Variants in PVT1 observed in about 807,000 individuals in gnomAD.
The protein encoded by PVT1 is Pvt1 oncogene.
chr8:127,977,802 A>G (rs1563655385), intron 3 of PVT1, among the ~76,000 whole-genome samples: 1 of 152,194 alleles, frequency 6.6e-6, no homozygotes, highest in Non-Finnish European at 1.5e-5. Context: ...CCTTAGTTCC[A>G]TAAGCTTGAA....
intron 3 of PVT1, among the ~76,000 whole-genome samples, chr8:127,982,679 TA>T (rs1289643427): frequency 2.1e-4 from 29 of 140,086 alleles, no homozygotes; most frequent in Middle Eastern, 3.5e-3. Context: ...AATTAATTAA[TA>T]AAATAAATGA....
intron 4 of PVT1, among the ~76,000 whole-genome samples, chr8:128,040,746 TTG>T (rs766803375): frequency 2.0e-5 from 3 of 152,024 alleles, no homozygotes; most frequent in Admixed American, 6.5e-5. Context: ...GTGTGAGTGC[TTG>T]TGTGTGTGTA....
chr8:127,927,220 A>C (rs1338578547), intron 3 of PVT1, among the ~76,000 whole-genome samples: 1 of 152,128 alleles, frequency 6.6e-6, no homozygotes, highest in Non-Finnish European at 1.5e-5. Flanking sequence ...GATCGGAAAT[A>C]ATCTGGGTCA....
At chr8:127,915,945 C>A (rs147261749) in intron 3 of PVT1, among the ~76,000 whole-genome samples, 1 of 152,270 alleles carries the variant, frequency 6.6e-6, no homozygotes, top group South Asian at 2.1e-4. Context: ...TTTCATGCAA[C>A]CTTGCCCTGT....
intron 3 of PVT1, among the ~76,000 whole-genome samples, chr8:127,943,218 A>T (rs1279629499): frequency 3.9e-5 from 6 of 152,306 alleles, no homozygotes; most frequent in Non-Finnish European, 8.8e-5. Flanking sequence ...GACACATAGT[A>T]GCCTCCCGGT....
chr8:127,907,120 C>A (rs1288664036), intron 3 of PVT1, among the ~76,000 whole-genome samples: 2 of 152,002 alleles, frequency 1.3e-5, no homozygotes, highest in African/African-American at 4.8e-5. Flanking sequence ...GCCACCGCAC[C>A]CGGCTAATTT....
intron 4 of PVT1, among the ~76,000 whole-genome samples, chr8:128,019,137 G>A (rs1817405965): frequency 6.6e-6 from 1 of 152,266 alleles, no homozygotes; most frequent in Admixed American, 6.5e-5. Flanking sequence ...TGGACCAGCT[G>A]AAGGCAGCCA....
At chr8:127,846,529 T>A (rs935843548) in intron 2 of PVT1, among the ~76,000 whole-genome samples, 5 of 152,186 alleles carry the variant, frequency 3.3e-5, no homozygotes, top group African/African-American at 4.8e-5. Flanking sequence ...CTGGATCAAC[T>A]CCCTGATGAC....
intron 2 of PVT1, among the ~76,000 whole-genome samples, chr8:127,834,221 A>T (rs1191201767): frequency 6.6e-6 from 1 of 152,206 alleles, no homozygotes; most frequent in Non-Finnish European, 1.5e-5. Flanking sequence ...ACCAAAACAG[A>T]GATATAGACC....
intron 3 of PVT1, among the ~76,000 whole-genome samples, chr8:127,934,412 C>T (rs1446395929): frequency 6.6e-6 from 1 of 152,176 alleles, no homozygotes; most frequent in African/African-American, 2.4e-5. Context: ...TGAAGCCTTC[C>T]CTCTGGGTGT....
intron 2 of PVT1, among the ~76,000 whole-genome samples, chr8:127,801,027 G>T (rs1349849219): frequency 6.6e-6 from 1 of 152,146 alleles, no homozygotes; most frequent in Non-Finnish European, 1.5e-5. Context: ...GGCGTTTCAG[G>T]CTCTGGGAAG....
chr8:127,927,355 C>A (rs1172674034), intron 3 of PVT1, among the ~76,000 whole-genome samples: 1 of 152,202 alleles, frequency 6.6e-6, no homozygotes, highest in Non-Finnish European at 1.5e-5. Context: ...GTTGTCATCA[C>A]CCATCCAGGC....
chr8:127,963,188 G>T (rs540695332), intron 3 of PVT1, among the ~76,000 whole-genome samples: 1 of 152,274 alleles, frequency 6.6e-6, no homozygotes, highest in South Asian at 2.1e-4. Context: ...CAGCCTTCCT[G>T]CCCCTGCCCA....
At chr8:127,934,122 C>G (rs976014272) in intron 3 of PVT1, among the ~76,000 whole-genome samples, 3 of 152,148 alleles carry the variant, frequency 2.0e-5, no homozygotes, top group African/African-American at 7.2e-5. Context: ...GGGCCATCGG[C>G]TAAGGTGATT....
At chr8:128,054,907 G>A (rs766925100) in intron 4 of PVT1, among the ~76,000 whole-genome samples, 5 of 152,156 alleles carry the variant, frequency 3.3e-5, no homozygotes, top group Non-Finnish European at 7.3e-5. Context: ...ATCAGCAGAC[G>A]TTGAGTAGAG....
At chr8:127,951,387 G>A (rs1418018873) in intron 3 of PVT1, among the ~76,000 whole-genome samples, 2 of 152,186 alleles carry the variant, frequency 1.3e-5, no homozygotes, top group Non-Finnish European at 2.9e-5. Context: ...GAGAGCTCAG[G>A]GGTAGGGCCC....
intron 4 of PVT1, among the ~76,000 whole-genome samples, chr8:128,060,905 C>CTTTTTT (rs35320355): frequency 9.7e-5 from 12 of 123,618 alleles, no homozygotes; most frequent in African/African-American, 2.5e-4. Context: ...TAGGCAACTA[C>CTTTTTT]TTTTTTTTTT....
chr8:128,056,421 A>G (rs1266942339), intron 4 of PVT1, among the ~76,000 whole-genome samples: 2 of 152,234 alleles, frequency 1.3e-5, no homozygotes, highest in Non-Finnish European at 2.9e-5. Flanking sequence ...ATTTCTATAT[A>G]CAATATATAT....
At chr8:127,985,807 T>C (rs1816963748) in intron 3 of PVT1, among the ~76,000 whole-genome samples, 1 of 152,208 alleles carries the variant, frequency 6.6e-6, no homozygotes, top group Non-Finnish European at 1.5e-5. Flanking sequence ...CATGATCTAT[T>C]TGCAGTGGGC....
Sources: allele counts gnomAD v4.1 joint callset (sites outside exome capture counted in the v4.1 genomes callset), GRCh38; gene constraint gnomAD v4.1.1; transcripts MANE v1.5; gene names NCBI Gene and HGNC (gene_info 2026-07-23, HGNC 2026-07-21).